GOLGA4: variants seen among roughly 807,000 people sequenced by gnomAD.
GOLGA4 encodes the protein golgin subfamily A member 4.
In GOLGA4, 169 loss-of-function variants were observed where a neutral mutation model predicts 265.9. The observed-to-expected ratio is 0.64, with a 90% confidence interval of 0.56 to 0.72. The LOEUF is 0.72. Ranked by LOEUF, GOLGA4 falls within the 30% of genes least tolerant of loss-of-function variation. The probability of loss-of-function intolerance (pLI) is 0.00; values close to 1 mark genes in which losing one functional copy is unlikely to be tolerated. For missense variants in GOLGA4, 2,482 were observed against 2,483.4 expected, an observed-to-expected ratio of 1.00 and a Z score of 0.01; for synonymous variants, 923 against 855.8, an observed-to-expected ratio of 1.08 and a Z score of -1.37.
chr3:37,322,945 C>A (rs944967786), intron 13 of GOLGA4, among the ~76,000 whole-genome samples: 2 of 151,618 alleles, frequency 1.3e-5, no homozygotes, highest in Non-Finnish European at 2.9e-5. Context: ...TTGGAAAAAA[C>A]CCCAATCTTC....
At chr3:37,306,205 G>T (rs2096905624) in intron 10 of GOLGA4, among the ~76,000 whole-genome samples, 1 of 152,170 alleles carries the variant, frequency 6.6e-6, no homozygotes, top group Non-Finnish European at 1.5e-5. Context: ...TTTGACGTAT[G>T]AGAGCATAGC....
At position 37,325,827 on chromosome 3, in the gene GOLGA4, A is replaced by G. The variant is rs1213058289; in HGVS notation, c.3941A>G (p.Glu1314Gly). ...NQIKSMKADI[E>G]SLVTEKEALQ... ...ATTAAGAGCATGAAGGCTGATATTG[A>G]AAGTCTTGTAACAGAAAAAGAAGCC... Residue 1314 changes from glutamate (E) to glycine (G), a missense_variant, in exon 14 of 24, where the codon GAA becomes GGA. Physicochemically the swap from Glu to Gly is moderately conservative, Grantham distance 98 (BLOSUM62 -2). This residue lies in a region of GOLGA4 where 1,536 missense variants were observed against 1,483.7 expected (regional missense o/e 1.04). Transcript: ENST00000361924. The G allele has an allele frequency of 6.2e-7, 1 of 1,613,292 alleles. No individual in the cohort carries two copies. Among genetic ancestry groups the G allele is most frequent in the African/African-American group, 1.3e-5 (1 of 75,036 alleles).
chr3:37,252,816 C>CT (rs963584028), intron 2 of GOLGA4, among the ~76,000 whole-genome samples: 5 of 152,082 alleles, frequency 3.3e-5, no homozygotes, highest in Admixed American at 1.3e-4. Context: ...ATTGGATTAT[C>CT]TTTTTTTAAA....
intron 9 of GOLGA4, among the ~76,000 whole-genome samples, chr3:37,299,726 C>A (rs1403482556): frequency 2.0e-5 from 3 of 152,028 alleles, no homozygotes; most frequent in African/African-American, 7.2e-5. Context: ...AATATGGAAA[C>A]AGATTAATCT....
At chr3:37,338,280 C>T (rs2097021126) in intron 19 of GOLGA4, among the ~76,000 whole-genome samples, 1 of 152,162 alleles carries the variant, frequency 6.6e-6, no homozygotes, top group Non-Finnish European at 1.5e-5. Flanking sequence ...GCTAAATCTC[C>T]TGGGATTTTC....
At chr3:37,357,610 C>T (rs2097094041) in intron 22 of GOLGA4, among the ~76,000 whole-genome samples, 1 of 152,094 alleles carries the variant, frequency 6.6e-6, no homozygotes, top group African/African-American at 2.4e-5. Flanking sequence ...ATTCTTGATA[C>T]TTGATAATGT....
At chr3:37,286,271 A>C (rs566538529) in intron 4 of GOLGA4, among the ~76,000 whole-genome samples, 2 of 146,576 alleles carry the variant, frequency 1.4e-5, no homozygotes, top group Non-Finnish European at 3.0e-5. Context: ...CTCCTGCCTC[A>C]GCCTCCCGAG....
At position 37,323,711 on chromosome 3, in the gene GOLGA4, G is replaced by C; in HGVS notation, c.1825G>C (p.Val609Leu). Residue 609 changes from valine to leucine, a missense_variant, in exon 14 of 24, where the codon GTT becomes CTT. Around this residue, in one of 3 missense-constraint regions of GOLGA4, gnomAD observed 1,536 missense variants for 1,483.7 expected, o/e 1.04. Transcript: ENST00000361924. ...GCACAATAAGGAGATTACAGTCATG[G>C]TTGAAAAACACAAGACAGAATTGGA... ...NKHNKEITVM[V>L]EKHKTELESL... 6.2e-7 allele frequency: 1 copy of C among 1,613,778 alleles called. No homozygotes were observed. The highest frequency in any genetic ancestry group is 8.5e-7 in the Non-Finnish European group (1 of 1,179,926).
chr3:37,356,594 CAG>C (rs1353148561), intron 22 of GOLGA4, among the ~76,000 whole-genome samples: 1 of 152,040 alleles, frequency 6.6e-6, no homozygotes, highest in Non-Finnish European at 1.5e-5. Flanking sequence ...CATTCATCAA[CAG>C]AGAGAATGTT....
rs1212183183 is a variant in GOLGA4, at chr3:37,325,136, G to C, written c.3250G>C (p.Gly1084Arg). The change falls in exon 14 of 24, where the codon GGG (glycine) becomes CGG (arginine). Residue 1084 changes from glycine to arginine, a missense_variant. Gly to Arg is a moderately radical substitution (Grantham distance 125). Transcript: ENST00000361924. ...AELKQKILLF[G>R]CEKEEMNKEI... is the part of the protein sequence containing the mutation. ...ACTGAAACAAAAGATCCTCCTATTT[G>C]GGTGTGAAAAAGAAGAGATGAACAA... 1.2e-6 allele frequency: 2 copies of C among 1,613,346 alleles called. No homozygotes were observed. The highest frequency in any genetic ancestry group is 2.2e-5 in the South Asian group (2 of 91,028).
At chr3:37,262,348 A>G (rs765325271) in intron 2 of GOLGA4, among the ~76,000 whole-genome samples, 1 of 151,894 alleles carries the variant, frequency 6.6e-6, no homozygotes, top group Non-Finnish European at 1.5e-5. Flanking sequence ...TCTACTAATA[A>G]TACAAAAATT....
chr3:37,348,018 T>G (rs2097061415), intron 21 of GOLGA4, among the ~76,000 whole-genome samples: 1 of 152,180 alleles, frequency 6.6e-6, no homozygotes, highest in African/African-American at 2.4e-5. Context: ...ATTTTTTACC[T>G]TCATGGAATT....
chr3:37,299,411 G>A (rs1335669246), intron 9 of GOLGA4, 40 bp downstream of exon 9: 2 of 1,221,372 alleles, frequency 1.6e-6, no homozygotes, highest in Non-Finnish European at 2.4e-6. Flanking sequence ...TTTGTCAAGA[G>A]GCCCCAACAT....
chr3:37,362,386 G>A (rs1205625098), intron 23 of GOLGA4, among the ~76,000 whole-genome samples: 5 of 150,148 alleles, frequency 3.3e-5, no homozygotes, highest in African/African-American at 1.2e-4. Context: ...ACAGGCGCCC[G>A]CCACTACGCC....
chr3:37,326,652 C>T lies in GOLGA4; in HGVS notation c.4766C>T (p.Thr1589Ile). Reference protein sequence around the residue: ...RVKEAEEKILTLENQVYSMKA... With the variant: ...RVKEAEEKILILENQVYSMKA... ...AAAGAAGCTGAAGAAAAAATCTTAA[C>T]ACTTGAAAACCAAGTTTATTCCATG... The change falls in exon 14 of 24, where the codon ACA (threonine) becomes ATA (isoleucine). Residue 1589 changes from threonine to isoleucine, a missense_variant. Thr to Ile is a moderately conservative substitution (Grantham distance 89). This residue lies in a region of GOLGA4 where 942 missense variants were observed against 983.1 expected (regional missense o/e 0.96). Transcript: ENST00000361924. 2 of 1,610,940 alleles carry T rather than the reference C, an allele frequency of 1.2e-6. No homozygotes were observed. The highest frequency in any genetic ancestry group is 1.7e-6 in the Non-Finnish European group (2 of 1,178,666).
chr3:37,350,864 TC>T (rs1396387382), intron 21 of GOLGA4, among the ~76,000 whole-genome samples: 8 of 152,132 alleles, frequency 5.3e-5, no homozygotes, highest in Admixed American at 5.2e-4. Flanking sequence ...ATGCTAACAT[TC>T]ATCTGAGCCT....
chr3:37,292,409 C>G (rs374971313), intron 5 of GOLGA4, among the ~76,000 whole-genome samples: 53 of 152,318 alleles, frequency 3.5e-4, no homozygotes, highest in African/African-American at 1.3e-3. Context: ...TGGCCGGGCA[C>G]AGTGGCTCAT....
chr3:37,345,490 G>A (rs753720049), intron 20 of GOLGA4, among the ~76,000 whole-genome samples: 2 of 152,176 alleles, frequency 1.3e-5, no homozygotes, highest in African/African-American at 2.4e-5. Flanking sequence ...ATACCTAGAC[G>A]AAGTTATTTG....
intron 2 of GOLGA4, among the ~76,000 whole-genome samples, chr3:37,252,197 A>T (rs1379695900): frequency 6.6e-6 from 1 of 152,146 alleles, no homozygotes; most frequent in East Asian, 1.9e-4. Flanking sequence ...TGCACGGGTC[A>T]GCAAATTATC....
Sources: allele counts gnomAD v4.1 joint callset (sites outside exome capture counted in the v4.1 genomes callset), GRCh38; gene constraint gnomAD v4.1.1; regional missense constraint gnomAD v4.1.1; transcripts MANE v1.5; gene names NCBI Gene and HGNC (gene_info 2026-07-23, HGNC 2026-07-21).